SEC23A: variants seen among roughly 807,000 people sequenced by gnomAD.
SEC23A encodes the protein SEC23 homolog A, COPII component.
A neutral mutation model predicts 103.7 loss-of-function variants in SEC23A; 56 were observed. That is an observed-to-expected ratio of 0.54 (90% confidence interval 0.44 to 0.67). SEC23A has a LOEUF of 0.67. SEC23A is among the 30% of genes least tolerant of loss of function. SEC23A has a pLI of 0.00. For missense variants in SEC23A, 784 were observed against 936.4 expected, an observed-to-expected ratio of 0.84 and a Z score of 2.12; for synonymous variants, 281 against 293.0, an observed-to-expected ratio of 0.96 and a Z score of 0.42.
chr14:39,034,832 A>T (rs1594429895), intron 19 of SEC23A, among the ~76,000 whole-genome samples: 1 of 152,308 alleles, frequency 6.6e-6, no homozygotes, highest in East Asian at 1.9e-4. Flanking sequence ...TATTTAGTAT[A>T]TGAGGCACTA....
intron 12 of SEC23A, 62 bp downstream of exon 12, chr14:39,063,262 A>G (rs1280289713): frequency 1.0e-6 from 1 of 986,196 alleles, no homozygotes; most frequent in Non-Finnish European, 1.6e-6. Context: ...TTCATGGCCT[A>G]AAGTAAGTAC....
chr14:39,047,740 ATT>A (rs1885892642), intron 15 of SEC23A, among the ~76,000 whole-genome samples: 1 of 152,118 alleles, frequency 6.6e-6, no homozygotes. Context: ...GTTTATGTAT[ATT>A]TCACATCTCA....
chr14:39,055,335 A>AT, intron 13 of SEC23A, 39 bp from the exon 14 acceptor site: 2 of 1,600,308 alleles, frequency 1.2e-6, no homozygotes, highest in Non-Finnish European at 1.7e-6. Flanking sequence ...CTTCTGAATT[A>AT]TTATACCCAC....
In SEC23A at chr14:39,074,449, G is replaced by A. The variant is rs1170026307; in HGVS notation, c.1069C>T (p.Leu357Phe). Residue 357 changes from leucine (L) to phenylalanine (F), a missense_variant, in exon 9 of 20, where the codon CTC becomes TTC. By Grantham distance (22) the Leu-to-Phe change is conservative (BLOSUM62 0). This residue lies in a region of SEC23A where 683 missense variants were observed against 774.2 expected (regional missense o/e 0.88). Transcript: ENST00000307712. ...IYACALDQTG[L>F]LEMKCCPNLT... is the part of the protein sequence containing the mutation. The stretch of plus-strand genomic sequence containing the variant: ...TTGGGACAGCATTTCATCTCCAGGA[G>A]ACCTGTCTGATCTAATGCACACGCA... 2 of 1,613,100 alleles carry A rather than the reference G, an allele frequency of 1.2e-6. No homozygotes were observed. Among genetic ancestry groups the A allele is most frequent in the Non-Finnish European group, 8.5e-7 (1 of 1,179,254 alleles).
At chr14:39,076,593 C>G (rs1439351917) in intron 7 of SEC23A, among the ~76,000 whole-genome samples, 1 of 151,324 alleles carries the variant, frequency 6.6e-6, no homozygotes, top group Non-Finnish European at 1.5e-5. Flanking sequence ...TGGTGTTTTA[C>G]TTTTGTTTTT....
intron 17 of SEC23A, among the ~76,000 whole-genome samples, chr14:39,041,783 C>T (rs1214018828): frequency 1.3e-5 from 2 of 150,792 alleles, no homozygotes; most frequent in Non-Finnish European, 2.9e-5. Flanking sequence ...ACAGGAGAAT[C>T]GCTGGAACCC....
At chr14:39,063,191 A>T (rs759569145) in intron 12 of SEC23A, 133 bp downstream of exon 12, 52 of 587,422 alleles carry the variant, frequency 8.9e-5, no homozygotes, top group Non-Finnish European at 1.5e-4. Context: ...GACAAATATA[A>T]ATTCCAATAC....
chr14:39,095,905 G>T lies in SEC23A; in HGVS notation c.214C>A (p.Pro72Thr). The change falls in exon 2 of 20, where the codon CCT becomes ACT. Residue 72 changes from proline to threonine, a missense_variant. By Grantham distance (38) the Pro-to-Thr change is conservative. Transcript: ENST00000307712. ...TCTATATATTTTACTTACCATAAAG[G>T]ATTCAAAACTGCACGGCAAGTGGTC... The part of the protein sequence containing the change: ...SRTTCRAVLN[P>T]LCQVDYRAKL... The T allele has an allele frequency of 1.9e-6, 3 of 1,607,672 alleles. No individual in the cohort carries two copies. Among genetic ancestry groups the T allele is most frequent in the Non-Finnish European group, 2.6e-6 (3 of 1,174,172 alleles).
At chr14:39,065,057 G>A (rs1163557028) in intron 10 of SEC23A, 64 bp from the exon 11 acceptor site, 4 of 1,006,184 alleles carry the variant, frequency 4.0e-6, no homozygotes, top group African/African-American at 1.6e-5. Flanking sequence ...TCAACTACAG[G>A]TGTATAAGAA....
intron 1 of SEC23A, among the ~76,000 whole-genome samples, chr14:39,102,574 G>A (rs1032800801): frequency 1.3e-5 from 2 of 152,196 alleles, no homozygotes; most frequent in South Asian, 2.1e-4. Flanking sequence ...CAAAACCCAA[G>A]GCATTATCTT....
intron 12 of SEC23A, among the ~76,000 whole-genome samples, chr14:39,062,693 G>C (rs770167785): frequency 6.6e-6 from 1 of 151,834 alleles, no homozygotes; most frequent in Admixed American, 6.6e-5. Context: ...GTCAATAAGA[G>C]TCAATATATT....
chr14:39,070,153 T>C (rs192676145), intron 9 of SEC23A, among the ~76,000 whole-genome samples: 1 of 152,370 alleles, frequency 6.6e-6, no homozygotes, highest in East Asian at 1.9e-4. Context: ...CGCTAGAAGA[T>C]AAGCTCCATG....
At chr14:39,096,583 A>G (rs1285229866) in intron 1 of SEC23A, among the ~76,000 whole-genome samples, 1 of 152,122 alleles carries the variant, frequency 6.6e-6, no homozygotes, top group African/African-American at 2.4e-5. Flanking sequence ...GAAAAAAATT[A>G]GCAAGCAACT....
chr14:39,076,123 G>A, intron 7 of SEC23A, 30 bp from the exon 8 acceptor site: 1 of 1,481,976 alleles, frequency 6.7e-7, no homozygotes, highest in Non-Finnish European at 9.3e-7. Context: ...GAGTTTAAAA[G>A]AAAACATATG....
intron 10 of SEC23A, among the ~76,000 whole-genome samples, chr14:39,066,646 C>T (rs1183572955): frequency 6.6e-6 from 1 of 152,094 alleles, no homozygotes; most frequent in Non-Finnish European, 1.5e-5. Context: ...AGGCAGATCA[C>T]CTGAGGTCAG....
chr14:39,054,600 T>C (rs1163038808), intron 14 of SEC23A, among the ~76,000 whole-genome samples: 1 of 151,874 alleles, frequency 6.6e-6, no homozygotes, highest in Non-Finnish European at 1.5e-5. Flanking sequence ...GCCTCTGGAG[T>C]AGGTGGGACT....
At chr14:39,077,181 T>C (rs1031574500) in intron 7 of SEC23A, among the ~76,000 whole-genome samples, 13 of 137,148 alleles carry the variant, frequency 9.5e-5, no homozygotes, top group African/African-American at 3.5e-4. Context: ...TGAGCCAAGA[T>C]TGTACCACTG....
Position 39,091,590 on chromosome 14 carries a change from C to A in SEC23A, c.490G>T (p.Val164Phe). 6.2e-7 allele frequency: 1 copy of A among 1,613,974 alleles called. No individual in the cohort carries two copies. Among genetic ancestry groups the A allele is most frequent in the Non-Finnish European group, 8.5e-7 (1 of 1,179,958 alleles). ...ATTCTCCCAAAAGTAATAAGTCCAA[C>A]CAAAGCTGTAGGTGGTAAAAGACTT... Reference protein sequence around the residue: ...SLSLLPPTALVGLITFGRMVQ... With the variant: ...SLSLLPPTALFGLITFGRMVQ... The change falls in exon 5 of 20, where the codon GTT becomes TTT. Residue 164 changes from valine (V) to phenylalanine (F), a missense_variant. Physicochemically the swap from Val to Phe is conservative, Grantham distance 50. Transcript: ENST00000307712.
intron 9 of SEC23A, among the ~76,000 whole-genome samples, chr14:39,071,036 A>G (rs927667305): frequency 6.0e-5 from 9 of 149,774 alleles, no homozygotes; most frequent in Admixed American, 2.0e-4. Flanking sequence ...TCAAAAAAAG[A>G]AAAAAAAAAG....
Sources: allele counts gnomAD v4.1 joint callset (sites outside exome capture counted in the v4.1 genomes callset), GRCh38; gene constraint gnomAD v4.1.1; regional missense constraint gnomAD v4.1.1; transcripts MANE v1.5; gene names NCBI Gene and HGNC (gene_info 2026-07-23, HGNC 2026-07-21).